Variants in NBR1 observed in about 807,000 individuals in gnomAD.
NBR1 encodes NBR1 autophagy cargo receptor, also known as next to BRCA1 gene 1 protein.
Under a neutral mutation model 115.5 loss-of-function variants are expected in NBR1, and 59 were observed. The observed-to-expected ratio is 0.51, with a 90% CI of 0.41 to 0.63. NBR1 has a LOEUF of 0.63. NBR1 is among the 30% of genes least tolerant of loss of function. The pLI, the probability that NBR1 is intolerant of heterozygous loss-of-function variation, is 0.00. For synonymous variants in NBR1, 373 were observed against 414.7 expected (o/e 0.90, Z 1.22); for missense variants, 1,043 against 1,150.5 (o/e 0.91, Z 1.35).
Position 43,171,320 on chromosome 17 carries a change from G to A in NBR1, c.-10+18G>A, listed in dbSNP as rs547109615. 4.4e-4 allele frequency: 68 copies of A among 152,858 alleles called. No homozygotes were observed. The highest frequency in any genetic ancestry group is 1.6e-3 in the African/African-American group (68 of 41,596). 9.5% of individuals were successfully genotyped at this position (152,858 alleles called of 1,614,324 possible). A position where few individuals can be genotyped will look rare whatever the true frequency, so the allele number is the denominator to read the frequency against. On this transcript the variant is annotated intron_variant, in intron 1 of 20. Coordinates refer to ENST00000590996, the MANE Select transcript of NBR1 (RefSeq NM_005899.5). ...GGAAGCTGGTAAGGAAGCAGCTGCG[G>A]TTACCTAGGGGTGGGGTCACGTCAC...
chr17:43,208,655 T>G (rs753729689), intron 20 of NBR1, among the ~76,000 whole-genome samples: 1 of 152,122 alleles, frequency 6.6e-6, no homozygotes, highest in Non-Finnish European at 1.5e-5. Context: ...ATCCCCAGTC[T>G]GTGAAATTGG....
intron 1 of NBR1, among the ~76,000 whole-genome samples, chr17:43,172,176 C>T (rs970904044): frequency 7.2e-5 from 11 of 152,218 alleles, no homozygotes. Context: ...CTATCTGACT[C>T]TACTGGCTGT....
chr17:43,178,379 C>CTT (rs1317249551), intron 3 of NBR1, among the ~76,000 whole-genome samples: 3 of 121,670 alleles, frequency 2.5e-5, no homozygotes, highest in Admixed American at 8.5e-5. Context: ...TTTTTTTTTT[C>CTT]TTTTTTTTTT....
intron 5 of NBR1, among the ~76,000 whole-genome samples, chr17:43,181,537 G>A (rs1335134284): frequency 6.6e-6 from 1 of 152,104 alleles, no homozygotes; most frequent in African/African-American, 2.4e-5. Flanking sequence ...GCGTGGGCGG[G>A]TGCCTGTAGT....
intron 5 of NBR1, among the ~76,000 whole-genome samples, chr17:43,185,074 C>G (rs1019235047): frequency 6.1e-5 from 9 of 146,588 alleles, no homozygotes; most frequent in South Asian, 2.2e-4. Context: ...GGTGACAGAG[C>G]GAGACTCCAC....
At chr17:43,176,046 G>T in intron 2 of NBR1, 145 bp downstream of exon 2, 2 of 549,518 alleles carry the variant, frequency 3.6e-6, no homozygotes, top group Admixed American at 3.5e-5. Context: ...CTTTTGATAG[G>T]GTTTCAGTAT....
chr17:43,181,282 G>A (rs1567848066), intron 5 of NBR1, among the ~76,000 whole-genome samples: 2 of 152,212 alleles, frequency 1.3e-5, no homozygotes, highest in South Asian at 2.1e-4. Flanking sequence ...GAATGGGCAC[G>A]ACACTCAGCA....
chr17:43,175,776 C>T lies in NBR1; in HGVS notation c.-9-15C>T. ...TGTGTTTTTCTCTCTCTCCCACCAA[C>T]CTTCTCAACCCTAGCCTCACAGCAT... On this transcript the variant is annotated splice_polypyrimidine_tract_variant and intron_variant, in intron 1 of 20. Transcript: ENST00000590996. The T allele has an allele frequency of 1.6e-6, 2 of 1,286,440 alleles. No individual in the cohort carries two copies. Among genetic ancestry groups the T allele is most frequent in the Non-Finnish European group, 2.2e-6 (2 of 902,362 alleles). 79.7% of individuals were successfully genotyped at this position (1,286,440 alleles called of 1,614,324 possible).
intron 20 of NBR1, among the ~76,000 whole-genome samples, chr17:43,208,692 G>A (rs150858673): frequency 1.5e-3 from 223 of 152,292 alleles, no homozygotes; most frequent in African/African-American, 5.0e-3. Flanking sequence ...GAGGCCAGGC[G>A]AGGTGGCTCA....
Position 43,201,736 on chromosome 17 carries a change from T to C in NBR1, c.2519T>C (p.Val840Ala). 6.2e-7 allele frequency: 1 copy of C among 1,609,496 alleles called. No individual in the cohort carries two copies. The highest frequency in any genetic ancestry group is 1.1e-5 in the South Asian group (1 of 90,964). ...GGTTCCCCAGGAGTGGATTTACCAGTTACCATACCAGAAGTTTCTTCAGTC... is the reference window on the plus strand; with the variant it reads ...GGTTCCCCAGGAGTGGATTTACCAGCTACCATACCAGAAGTTTCTTCAGTC... ...HHGSPGVDLP[V>A]TIPEVSSVPD... Residue 840 changes from valine to alanine, a missense_variant, in exon 18 of 21, where the codon GTT becomes GCT. Val to Ala is a moderately conservative substitution (Grantham distance 64, BLOSUM62 0). Coordinates refer to ENST00000590996, the MANE Select transcript of NBR1 (RefSeq NM_005899.5).
rs1461263499 is a variant in NBR1 at position 43,210,006 on chromosome 17, A to C, written c.2833A>C (p.Asn945His). Reference protein sequence around the residue: ...NLRLLKKHNYNILQVVTELLQ... With the variant: ...NLRLLKKHNYHILQVVTELLQ... The stretch of plus-strand genomic sequence containing the variant: ...ACGGCTGCTGAAGAAACACAATTAC[A>C]ATATCCTGCAGGTTGTGACAGAACT... Residue 945 changes from asparagine to histidine, a missense_variant, in exon 21 of 21, where the codon AAT becomes CAT. Asn to His is a moderately conservative substitution (Grantham distance 68). Coordinates refer to ENST00000590996, the MANE Select transcript of NBR1 (RefSeq NM_005899.5). 5 of 1,613,560 alleles carry C rather than the reference A, an allele frequency of 3.1e-6. No individual in the cohort carries two copies. The highest frequency in any genetic ancestry group is 3.4e-6 in the Non-Finnish European group (4 of 1,179,744).
At chr17:43,195,262 G>A (rs935444739) in intron 14 of NBR1, 3 of 512,638 alleles carry the variant, frequency 5.9e-6, no homozygotes, top group Non-Finnish European at 6.9e-6. Context: ...CAGCTCTTTG[G>A]GAGGCCAAGG....
chr17:43,209,879 T>G, intron 20 of NBR1, 22 bp from the exon 21 acceptor site: 3 of 1,413,656 alleles, frequency 2.1e-6, no homozygotes, highest in South Asian at 1.6e-5. Flanking sequence ...TTTTTTTTTT[T>G]GCTTTGCTTG....
At chr17:43,171,872 A>G (rs1478413871) in intron 1 of NBR1, among the ~76,000 whole-genome samples, 2 of 152,082 alleles carry the variant, frequency 1.3e-5, no homozygotes, top group Non-Finnish European at 2.9e-5. Flanking sequence ...TGAACTGCTG[A>G]GCTCAAGCGA....
chr17:43,190,495 C>A, intron 8 of NBR1, 114 bp from the exon 9 acceptor site: 1 of 1,147,790 alleles, frequency 8.7e-7, no homozygotes, highest in Non-Finnish European at 1.3e-6. Flanking sequence ...AGATGGCATG[C>A]TCAGGTTACC....
intron 20 of NBR1, among the ~76,000 whole-genome samples, chr17:43,208,580 T>C (rs1246944405): frequency 2.0e-5 from 3 of 152,136 alleles, no homozygotes; most frequent in African/African-American, 2.4e-5. Flanking sequence ...AAATGGAAGA[T>C]TAGGGTTTGA....
At chr17:43,197,189 C>T in intron 16 of NBR1, 83 bp downstream of exon 16, 1 of 1,276,002 alleles carries the variant, frequency 7.8e-7, no homozygotes, top group Non-Finnish European at 1.1e-6. Flanking sequence ...ATGTGCTCTT[C>T]TTCACTGAGA....
At position 43,182,594 on chromosome 17, in the gene NBR1, G is replaced by A. The variant is rs569853998; in HGVS notation, c.207+1777G>A. Among the ~76,000 whole-genome samples, 164 of 150,868 alleles carry A rather than the reference G, an allele frequency of 1.1e-3. No individual in the cohort carries two copies. In the Middle Eastern group the frequency reaches 0.034, roughly 32 times the overall value. On this transcript the variant is annotated intron_variant, in intron 5 of 20. Transcript: ENST00000590996. ...AGATGACAGCCACTTTTTGGACATG[G>A]AATGCTTTTTTTTTTGTTTTTAGTT...
chr17:43,210,036 C>T lies in NBR1; in HGVS notation c.2863C>T (p.Gln955Ter). 2 of 1,611,590 alleles carry T rather than the reference C, an allele frequency of 1.2e-6. No individual in the cohort carries two copies. Among genetic ancestry groups the T allele is most frequent in the Non-Finnish European group, 8.5e-7 (1 of 1,178,808 alleles). The part of the protein sequence containing the change: ...NILQVVTELL[Q>*]LNNNDWYSQR... ...CCTGCAGGTTGTGACAGAACTTCTTCAGTTAAACAACAACGACTGGTACAG... is the reference window on the plus strand; with the variant it reads ...CCTGCAGGTTGTGACAGAACTTCTTTAGTTAAACAACAACGACTGGTACAG... Residue 955 changes from glutamine (Q) to a stop codon, truncating the protein, a stop_gained, in exon 21 of 21, where the codon CAG becomes TAG. Transcript: ENST00000590996. LOFTEE classifies it high-confidence loss of function.
Sources: gnomAD v4.1 joint callset for allele counts (sites outside exome capture counted in the v4.1 genomes callset) on GRCh38, gnomAD v4.1.1 for gene constraint, MANE v1.5 for transcripts, NCBI Gene and HGNC (gene_info 2026-07-23, HGNC 2026-07-21) for gene names.